MMP8: variants seen among roughly 807,000 people sequenced by gnomAD.
MMP8 encodes the protein neutrophil collagenase.
MMP8 carries 67 observed loss-of-function variants against 51.2 expected under a neutral mutation model. The ratio of observed to expected loss-of-function variants is 1.31; its 90% confidence interval spans 1.08 to 1.60. The LOEUF (loss-of-function observed/expected upper bound fraction) is 1.60. Ranked by LOEUF, MMP8 falls within the 40% of genes most tolerant of loss-of-function variation. The probability of loss-of-function intolerance (pLI) is 0.00; values close to 1 mark genes in which losing one functional copy is unlikely to be tolerated. For synonymous variants in MMP8, 225 were observed against 191.0 expected (o/e 1.18, Z -1.47); for missense variants, 654 against 558.1 (o/e 1.17, Z -1.73).
In MMP8 at chr11:102,716,347, T is replaced by C. The variant is rs147290639; in HGVS notation, c.857A>G (p.Asp286Gly). ...PKPCDPSLTF[D>G]AITTLRGEIL... Reference sequence around the variant, plus strand: ...TTCTCCACGGAGTGTGGTGATAGCATCAAATGTCAAACTGGGGTCACAGGG... The same window carrying C: ...TTCTCCACGGAGTGTGGTGATAGCACCAAATGTCAAACTGGGGTCACAGGG... The change falls in exon 6 of 10, where the codon GAT becomes GGT. Residue 286 changes from aspartate to glycine, a missense_variant. By Grantham distance (94) the Asp-to-Gly change is moderately conservative. Coordinates refer to ENST00000236826, the MANE Select transcript of MMP8 (RefSeq NM_002424.3). The C allele has an allele frequency of 8.2e-5, 130 of 1,575,890 alleles. 1 individual carries two copies. The highest frequency in any genetic ancestry group is 1.0e-4 in the Non-Finnish European group (120 of 1,159,712).
intron 5 of MMP8, among the ~76,000 whole-genome samples, chr11:102,717,014 C>T (rs947181879): frequency 6.6e-6 from 1 of 152,166 alleles, no homozygotes. Flanking sequence ...ATAGGCTCAA[C>T]ATTTCTGAAA....
intron 4 of MMP8, 143 bp downstream of exon 4, chr11:102,721,258 G>A (rs1228551699): frequency 1.7e-6 from 2 of 1,171,352 alleles, no homozygotes; most frequent in Non-Finnish European, 2.4e-6. Flanking sequence ...TTAGTATCAT[G>A]AGGTAGCAAA....
In MMP8 at chr11:102,713,812, G is replaced by A. The variant is rs773865704; in HGVS notation, c.1236C>T (p.Ser412=). ...CTATTCCTGGAAAGGCACCTGATAT[G>A]CTTTTGGGATAACCTGGCTCCATGA... The part of the protein sequence containing the change: ...RQFMEPGYPK[S]ISGAFPGIES... Residue 412 remains serine (S), a synonymous_variant, in exon 9 of 10, where the codon AGC becomes AGT. Coordinates refer to ENST00000236826, the MANE Select transcript of MMP8 (RefSeq NM_002424.3). The A allele has an allele frequency of 2.5e-5, 41 of 1,612,192 alleles. No homozygotes were observed. Among genetic ancestry groups the A allele is most frequent in the Non-Finnish European group, 3.4e-5 (40 of 1,179,296 alleles).
intron 2 of MMP8, 141 bp downstream of exon 2, chr11:102,722,288 T>C (rs1327969594): frequency 1.1e-5 from 10 of 931,022 alleles, no homozygotes; most frequent in Non-Finnish European, 1.6e-5. Flanking sequence ...TTCATTCTCA[T>C]ATTCATTCAC....
chr11:102,718,339 GAT>G lies in MMP8; in HGVS notation c.784+73_784+74del, dbSNP rs998231117. 5.6e-6 allele frequency: 8 copies of G among 1,416,578 alleles called. No homozygotes were observed. The African/African-American group carries it at 1.0e-4, about 18-fold the overall frequency. 87.8% of individuals were successfully genotyped at this position (1,416,578 alleles called of 1,614,324 possible). ...GAAACTGCAGAAGTGCAAAGGAAGAGATATTCAGATTCTGGGAGTGTTCGCCT... is the reference window on the plus strand; with the variant it reads ...GAAACTGCAGAAGTGCAAAGGAAGAGATTCAGATTCTGGGAGTGTTCGCCT... On this transcript the variant is annotated intron_variant, in intron 5 of 9. Coordinates refer to ENST00000236826, the MANE Select transcript of MMP8 (RefSeq NM_002424.3).
At chr11:102,714,867 A>ATGATAAAGT (rs1861241151) in intron 7 of MMP8, among the ~76,000 whole-genome samples, 158 bp from the exon 8 acceptor site, 1 of 149,464 alleles carries the variant, frequency 6.7e-6, no homozygotes, top group Non-Finnish European at 1.5e-5. Context: ...AAAGATGAAG[A>ATGATAAAGT]TGATAAAGTT....
chr11:102,723,600 G>A (rs1861537903), intron 1 of MMP8: 11 of 427,610 alleles, frequency 2.6e-5, no homozygotes, highest in Non-Finnish European at 5.1e-5. Flanking sequence ...TGTGAAAAGG[G>A]GCAAAACACA....
At chr11:102,723,352 C>G (rs1454302146) in intron 1 of MMP8, 3 of 358,174 alleles carry the variant, frequency 8.4e-6, no homozygotes, top group Non-Finnish European at 1.6e-5. Context: ...TGAAATGTAA[C>G]CTAACTAGAC....
At chr11:102,721,270 A>G in intron 4 of MMP8, 131 bp downstream of exon 4, 2 of 1,363,856 alleles carry the variant, frequency 1.5e-6, no homozygotes, top group South Asian at 3.1e-5. Flanking sequence ...GGTAGCAAAA[A>G]TTTCAAATGA....
intron 6 of MMP8, among the ~76,000 whole-genome samples, chr11:102,715,928 T>C (rs770423207): frequency 4.6e-5 from 7 of 152,190 alleles, no homozygotes; most frequent in Non-Finnish European, 1.0e-4. Context: ...GGTGCTTTGG[T>C]GTTTCAGCTA....
chr11:102,723,587 A>C, intron 1 of MMP8: 1 of 442,374 alleles, frequency 2.3e-6, no homozygotes, highest in South Asian at 1.6e-5. Context: ...GGGAGCAAGC[A>C]TGTGTGAAAA....
chr11:102,721,854 T>A (rs562691422), intron 2 of MMP8, 92 bp from the exon 3 acceptor site: 16 of 1,439,768 alleles, frequency 1.1e-5, no homozygotes, highest in Non-Finnish European at 1.4e-5. Flanking sequence ...GTGAGTTGCA[T>A]CATGGTGTGC....
chr11:102,724,289 AT>A (rs1367525715), intron 1 of MMP8, among the ~76,000 whole-genome samples: 1 of 152,114 alleles, frequency 6.6e-6, no homozygotes, highest in Non-Finnish European at 1.5e-5. Context: ...GGGAAATATG[AT>A]TTTACTGTGT....
In MMP8 at chr11:102,724,693, A is replaced by C. The variant is rs1861568271; in HGVS notation, c.102+61T>G. ...GCTGTTTTAATTAACAAGAGAAAAC[A>C]ACCCACACTATTTCCTAATAATCAG... is the stretch of plus-strand genomic sequence containing the variant. On this transcript the variant is annotated intron_variant, in intron 1 of 9. Coordinates refer to ENST00000236826, the MANE Select transcript of MMP8 (RefSeq NM_002424.3). 4 of 1,410,152 alleles carry C rather than the reference A, an allele frequency of 2.8e-6. No homozygotes were observed. The African/African-American group carries it at 5.8e-5, about 20-fold the overall frequency. The allele number at this position is 1,410,152 out of a possible 1,614,324, so 87.4% of individuals were successfully genotyped here.
chr11:102,722,792 T>A, intron 1 of MMP8, 119 bp from the exon 2 acceptor site: 1 of 1,406,156 alleles, frequency 7.1e-7, no homozygotes, highest in Admixed American at 2.6e-5. Context: ...ACAGGAACAA[T>A]AACACAAATT....
chr11:102,721,674 G>A lies in MMP8; in HGVS notation c.436C>T (p.Leu146Phe), dbSNP rs1390100178. 6 of 1,613,740 alleles carry A rather than the reference G, an allele frequency of 3.7e-6. No homozygotes were observed. The highest frequency in any genetic ancestry group is 1.6e-4 in the Middle Eastern group (1 of 6,082). Residue 146 changes from leucine (L) to phenylalanine (F), a missense_variant, in exon 3 of 10, where the codon CTC becomes TTC. Transcript: ENST00000236826. The part of the protein sequence containing the change: ...AFELWSVASP[L>F]IFTRISQGEA... ...CCCTGTGAGATCCTGGTGAAGATGA[G>A]AGGTGATGCAACACTCCAGAGTTCA...
In MMP8 at chr11:102,713,320, A is replaced by C. The variant is rs1433969414; in HGVS notation, c.*28T>G. The C allele has an allele frequency of 6.7e-7, 1 of 1,488,204 alleles. No individual in the cohort carries two copies. The highest frequency in any genetic ancestry group is 9.4e-7 in the Non-Finnish European group (1 of 1,066,450). 92.2% of individuals were successfully genotyped at this position (1,488,204 alleles called of 1,614,324 possible). On this transcript the variant is annotated 3_prime_UTR_variant, in exon 10 of 10. Transcript: ENST00000236826. Reference sequence around the variant, plus strand: ...CTGAACTTCCCTTCAACATTCTGAAAGTGGATACAGCCACATTTGATTTTG... The same window carrying C: ...CTGAACTTCCCTTCAACATTCTGAACGTGGATACAGCCACATTTGATTTTG...
chr11:102,717,400 C>T (rs916792014), intron 5 of MMP8, among the ~76,000 whole-genome samples: 3 of 152,162 alleles, frequency 2.0e-5, no homozygotes, highest in Non-Finnish European at 2.9e-5. Flanking sequence ...CATTCCCTTT[C>T]TTCTTCTTGA....
At chr11:102,713,565 G>C (rs1409482940) in intron 9 of MMP8, 108 bp from the exon 10 acceptor site, 3 of 1,085,280 alleles carry the variant, frequency 2.8e-6, no homozygotes, top group Non-Finnish European at 4.0e-6. Flanking sequence ...ATGCAAACAT[G>C]CTATTTAAAA....
Sources: allele counts gnomAD v4.1 joint callset (sites outside exome capture counted in the v4.1 genomes callset), GRCh38; gene constraint gnomAD v4.1.1; transcripts MANE v1.5; gene names NCBI Gene and HGNC (gene_info 2026-07-23, HGNC 2026-07-21).